Variants in COQ5 observed in about 807,000 individuals in gnomAD.
The protein encoded by COQ5 is coenzyme Q5, methyltransferase, also known as 2-methoxy-6-polyprenyl-1,4-benzoquinol methylase, mitochondrial.
COQ5 carries 27 observed loss-of-function variants against 40.5 expected under a neutral mutation model. The observed-to-expected ratio is 0.67, with a 90% CI of 0.49 to 0.92. The LOEUF (loss-of-function observed/expected upper bound fraction) is 0.92, where lower values mean the gene tolerates loss of function less well. COQ5 is among the 40% of genes least tolerant of loss of function. The pLI, the probability that COQ5 is intolerant of heterozygous loss-of-function variation, is 0.00. For missense variants in COQ5, 409 were observed against 406.4 expected (o/e 1.01, Z -0.06); for synonymous variants, 141 against 150.0 (o/e 0.94, Z 0.44).
chr12:120,525,098 G>A (rs898730423), intron 1 of COQ5, among the ~76,000 whole-genome samples: 2 of 150,038 alleles, frequency 1.3e-5, no homozygotes, highest in South Asian at 2.1e-4. Context: ...GTGAGCCACC[G>A]TGCCCGGACT....
chr12:120,518,206 G>A (rs1417056112), intron 2 of COQ5, among the ~76,000 whole-genome samples: 1 of 152,098 alleles, frequency 6.6e-6, no homozygotes, highest in African/African-American at 2.4e-5. Context: ...TAGGCAGATT[G>A]CTTGAGCCCA....
chr12:120,516,483 A>T (rs1045851364), intron 3 of COQ5, 84 bp downstream of exon 3: 3 of 1,183,844 alleles, frequency 2.5e-6, no homozygotes, highest in South Asian at 1.2e-5. Context: ...GCCAAAAGAT[A>T]AAGCATTTCA....
At chr12:120,506,273 T>G (rs992239535) in intron 4 of COQ5, among the ~76,000 whole-genome samples, 1 of 152,186 alleles carries the variant, frequency 6.6e-6, no homozygotes, top group African/African-American at 2.4e-5. Flanking sequence ...GACTCCATAG[T>G]TCCACATCAC....
chr12:120,527,999 A>G (rs1374182767), intron 1 of COQ5, among the ~76,000 whole-genome samples: 2 of 127,676 alleles, frequency 1.6e-5, no homozygotes, highest in East Asian at 2.2e-4. Flanking sequence ...AAAAAAAAAA[A>G]AAAAAAAAAA....
intron 3 of COQ5, among the ~76,000 whole-genome samples, chr12:120,511,631 A>G (rs1869140757): frequency 6.6e-6 from 1 of 152,106 alleles, no homozygotes; most frequent in South Asian, 2.1e-4. Context: ...AAAAAATAAA[A>G]AGCAAAAAGA....
At chr12:120,521,602 G>T (rs1305038358) in intron 2 of COQ5, among the ~76,000 whole-genome samples, 1 of 151,566 alleles carries the variant, frequency 6.6e-6, no homozygotes, top group East Asian at 2.0e-4. Flanking sequence ...TTGAACCCCG[G>T]AGGTGGAGGT....
At chr12:120,510,175 C>G (rs763110859) in intron 3 of COQ5, 52 bp from the exon 4 acceptor site, 1 of 1,390,258 alleles carries the variant, frequency 7.2e-7, no homozygotes, top group African/African-American at 1.4e-5. Flanking sequence ...GTTTTTCCTG[C>G]CCCCAGTGAA....
chr12:120,516,573 T>C lies in COQ5; in HGVS notation c.568A>G (p.Arg190Gly). ...TGCCTTCTGCAGGACTCACCAGCTC[T>C]GTATCCTTGAGCCAAGGCTTTCTGC... is the stretch of plus-strand genomic sequence containing the variant. ...GKQKALAQGYRAGLAWVLGDA... is the reference protein window; with the variant it reads ...GKQKALAQGYGAGLAWVLGDA... Residue 190 changes from arginine to glycine, a missense_variant, in exon 3 of 7, where the codon AGA becomes GGA. Arg to Gly is a moderately radical substitution (Grantham distance 125, BLOSUM62 -2). Transcript: ENST00000288532. 3 of 1,613,202 alleles carry C rather than the reference T, an allele frequency of 1.9e-6. No homozygotes were observed. Among genetic ancestry groups the C allele is most frequent in the South Asian group, 1.1e-5 (1 of 91,016 alleles).
rs1202889277 is a variant in COQ5, at chr12:120,503,686, G to C, written c.*98C>G. 3.5e-6 allele frequency: 3 copies of C among 850,990 alleles called. No homozygotes were observed. The South Asian group carries it at 4.2e-5, about 12-fold the overall frequency. 52.7% of individuals were successfully genotyped at this position (850,990 alleles called of 1,614,324 possible). A position where few individuals can be genotyped will look rare whatever the true frequency, so the allele number is the denominator to read the frequency against. ...ATGAGTCCAAGGCACGTATCCTTAA[G>C]AGGAGATGCTCTGCTGCTGTCTCAT... On this transcript the variant is annotated 3_prime_UTR_variant, in exon 7 of 7. Transcript: ENST00000288532.
intron 1 of COQ5, chr12:120,527,517 T>C (rs938030029): frequency 3.9e-5 from 6 of 152,238 alleles, no homozygotes; most frequent in African/African-American, 1.4e-4. Context: ...TCATTGTGTA[T>C]GACTTCAGCT....
At chr12:120,508,043 C>T (rs1001642648) in intron 4 of COQ5, among the ~76,000 whole-genome samples, 4 of 151,866 alleles carry the variant, frequency 2.6e-5, no homozygotes, top group Non-Finnish European at 4.4e-5. Context: ...GTCGCCCAGG[C>T]GGAGTGCAGT....
intron 3 of COQ5, among the ~76,000 whole-genome samples, chr12:120,515,629 G>A (rs1384048284): frequency 6.6e-6 from 1 of 152,180 alleles, no homozygotes; most frequent in African/African-American, 2.4e-5. Flanking sequence ...ACACAGAGTA[G>A]ACAAAGGGAG....
chr12:120,527,418 TCA>T (rs1242506578), intron 1 of COQ5: 1 of 152,182 alleles, frequency 6.6e-6, no homozygotes. Context: ...TTTTTTCATT[TCA>T]CTATACATTT....
chr12:120,507,626 G>T (rs1200687457), intron 4 of COQ5, among the ~76,000 whole-genome samples: 1 of 146,268 alleles, frequency 6.8e-6, no homozygotes, highest in Non-Finnish European at 1.5e-5. Context: ...AGTGGCTCAC[G>T]CCTGTAATCC....
chr12:120,525,409 C>A (rs1869890020), intron 1 of COQ5, among the ~76,000 whole-genome samples: 1 of 152,030 alleles, frequency 6.6e-6, no homozygotes, highest in Admixed American at 6.6e-5. Flanking sequence ...CTCTTTTGAG[C>A]ATCTTTTGGG....
chr12:120,528,665 G>A (rs1870078300), intron 1 of COQ5, among the ~76,000 whole-genome samples: 1 of 151,706 alleles, frequency 6.6e-6, no homozygotes, highest in Admixed American at 6.6e-5. Context: ...TTAGCCGGGC[G>A]TGCTGGCGGG....
At chr12:120,522,189 T>G in intron 2 of COQ5, 25 bp downstream of exon 2, 1 of 1,613,894 alleles carries the variant, frequency 6.2e-7, no homozygotes, top group Non-Finnish European at 8.5e-7. Flanking sequence ...TCAATGGTAG[T>G]GAAGGATACC....
intron 4 of COQ5, among the ~76,000 whole-genome samples, chr12:120,505,657 A>G (rs918713192): frequency 1.3e-5 from 2 of 151,598 alleles, no homozygotes; most frequent in African/African-American, 4.9e-5. Context: ...CTCAGGTTGA[A>G]GCGATTTTCC....
chr12:120,516,857 C>T, intron 2 of COQ5, 69 bp from the exon 3 acceptor site: 1 of 1,405,194 alleles, frequency 7.1e-7, no homozygotes, highest in Non-Finnish European at 1.0e-6. Flanking sequence ...ACAGCATTTC[C>T]TAAAACCCAA....
Sources: gnomAD v4.1 joint callset for allele counts (sites outside exome capture counted in the v4.1 genomes callset) on GRCh38, gnomAD v4.1.1 for gene constraint, MANE v1.5 for transcripts, NCBI Gene and HGNC (gene_info 2026-07-23, HGNC 2026-07-21) for gene names.